The following USP34 variants were observed in gnomAD, a reference collection of about 807,000 sequenced individuals.
USP34 encodes ubiquitin carboxyl-terminal hydrolase 34.
Under a neutral mutation model 460.3 loss-of-function variants are expected in USP34, and 70 were observed. The ratio of observed to expected loss-of-function variants is 0.15; its 90% CI spans 0.13 to 0.19. The LOEUF (loss-of-function observed/expected upper bound fraction) is 0.19. Among genes scored for constraint, USP34 ranks in the 10% least tolerant of loss-of-function variants. USP34 has a pLI of 1.00. For synonymous variants in USP34, 1,647 were observed against 1,405.3 expected (o/e 1.17, Z -3.85); for missense variants, 3,985 against 4,236.2 (o/e 0.94, Z 1.65).
chr2:61,339,781 T>G (rs1382058210), intron 16 of USP34, 100 bp from the exon 17 acceptor site: 2 of 545,512 alleles, frequency 3.7e-6, no homozygotes, highest in Non-Finnish European at 5.8e-6. Context: ...TACACGATAT[T>G]TTTCTCAGAT....
In USP34 at chr2:61,188,957, T is replaced by C. The variant is rs1268149877; in HGVS notation, c.9986A>G (p.Gln3329Arg). ...TTCTTGCTCTTGGAGTGAGTTTCTC[T>C]GTTGCAGACAAGTCCTGCATTTGCT... ...LLSKCRTCLQ[Q>R]RNSLQEQEAK... The change falls in exon 79 of 80, where the codon CAG becomes CGG. Residue 3329 changes from glutamine to arginine, a missense_variant. Coordinates refer to ENST00000398571, the MANE Select transcript of USP34 (RefSeq NM_014709.4). The C allele has an allele frequency of 1.9e-6, 3 of 1,614,118 alleles. No individual in the cohort carries two copies. Among genetic ancestry groups the C allele is most frequent in the African/African-American group, 2.7e-5 (2 of 74,932 alleles).
In USP34 at chr2:61,370,362, G is replaced by C; in HGVS notation, c.1210C>G (p.Leu404Val). 1 of 1,614,074 alleles carries C rather than the reference G, an allele frequency of 6.2e-7. No homozygotes were observed. Among genetic ancestry groups the C allele is most frequent in the South Asian group, 1.1e-5 (1 of 91,072 alleles). Reference sequence around the variant, plus strand: ...ATACAGTCAATATGTTGAGTACTCAGTCGCCCTTCTGCTGCCAAAAAATTC... The same window carrying C: ...ATACAGTCAATATGTTGAGTACTCACTCGCCCTTCTGCTGCCAAAAAATTC... Reference protein sequence around the residue: ...ILNFLAAEGRLSTQHIDCIWA... With the variant: ...ILNFLAAEGRVSTQHIDCIWA... The change falls in exon 10 of 80, where the codon CTG (leucine) becomes GTG (valine). Residue 404 changes from leucine (L) to valine (V), a missense_variant. Leu to Val is a conservative substitution (Grantham distance 32). This residue lies in a region of USP34 where 716 missense variants were observed against 626.2 expected (regional missense o/e 1.14). Transcript: ENST00000398571.
At chr2:61,251,978 A>G (rs1688596803) in intron 48 of USP34, among the ~76,000 whole-genome samples, 2 of 151,828 alleles carry the variant, frequency 1.3e-5, no homozygotes, top group African/African-American at 2.4e-5. Flanking sequence ...AAAAAAAAAA[A>G]CAGCAAACAC....
intron 57 of USP34, 52 bp downstream of exon 57, chr2:61,235,793 G>GA (rs34945181): frequency 2.5e-3 from 3,260 of 1,292,478 alleles, no homozygotes; most frequent in Admixed American, 2.9e-3. Context: ...CAGAGGGGGG[G>GA]AAAAAAAAAA....
intron 58 of USP34, among the ~76,000 whole-genome samples, chr2:61,231,576 G>A (rs1687907113): frequency 6.6e-6 from 1 of 152,024 alleles, no homozygotes; most frequent in South Asian, 2.1e-4. Context: ...TTAGCCAGGT[G>A]TGGTGGTGTG....
At chr2:61,419,904 A>G (rs1694308358) in intron 2 of USP34, among the ~76,000 whole-genome samples, 2 of 152,248 alleles carry the variant, frequency 1.3e-5, no homozygotes, top group South Asian at 4.1e-4. Context: ...GTCAATAATG[A>G]TGGTACAGAA....
At chr2:61,442,898 T>TACACACAC (rs58151221) in intron 1 of USP34, among the ~76,000 whole-genome samples, 13,881 of 147,120 alleles carry the variant, frequency 0.094, 690 homozygotes, top group African/African-American at 0.11. Flanking sequence ...GTGATGTGTG[T>TACACACAC]ACACACACAC....
In USP34 at chr2:61,257,306, T is replaced by C. The variant is rs1181599428; in HGVS notation, c.5889A>G (p.Thr1963=). 6.2e-7 allele frequency: 1 copy of C among 1,613,116 alleles called. No homozygotes were observed. Among genetic ancestry groups the C allele is most frequent in the Middle Eastern group, 1.7e-4 (1 of 6,042 alleles). Residue 1963 remains threonine (T), a synonymous_variant, in exon 45 of 80, where the codon ACA becomes ACG. Transcript: ENST00000398571. The part of the protein sequence containing the change: ...KAYNPRPFCK[T]YTMDKQPLNT... ...TCAGAGGCTGCTTATCCATGGTGTA[T>C]GTTTTACAGAAAGGTCTAGGATTAT...
chr2:61,317,672 A>G lies in USP34; in HGVS notation c.3264T>C (p.Asp1088=), dbSNP rs996384339. ...TCCATACCTCAGAATTTGAACAACC[A>G]TCATAGGCACTGGTAGCCAATCGAG... ...NLARLATSAY[D]GCSNSELCGM... is the part of the protein sequence containing the mutation. Residue 1088 remains aspartate, a synonymous_variant, in exon 23 of 80, where the codon GAT becomes GAC. Transcript: ENST00000398571. 6.2e-7 allele frequency: 1 copy of G among 1,614,050 alleles called. No individual in the cohort carries two copies. The highest frequency in any genetic ancestry group is 8.5e-7 in the Non-Finnish European group (1 of 1,179,914).
intron 20 of USP34, 81 bp downstream of exon 20, chr2:61,331,195 A>G (rs1691250623): frequency 8.1e-7 from 1 of 1,240,456 alleles, no homozygotes; most frequent in Non-Finnish European, 1.1e-6. Context: ...TTATATGAAA[A>G]AAAGTTAAAA....
rs762257256 is a variant in USP34 at position 61,266,135 on chromosome 2, A to G, written c.5466T>C (p.Phe1822=). 6.2e-7 allele frequency: 1 copy of G among 1,612,584 alleles called. No individual in the cohort carries two copies. Among genetic ancestry groups the G allele is most frequent in the Non-Finnish European group, 8.5e-7 (1 of 1,178,790 alleles). Residue 1822 remains phenylalanine, a synonymous_variant, in exon 42 of 80, where the codon TTT becomes TTC. Transcript: ENST00000398571. ...GTCGGTCCTTTAGACTTGGCAACAA[A>G]AACAGGAGATTGAAGATATCTCTCA... ...EFLRDIFNLL[F]LLPSLKDRQQ...
At chr2:61,320,140 C>A (rs143198284) in intron 21 of USP34, among the ~76,000 whole-genome samples, 1 of 152,138 alleles carries the variant, frequency 6.6e-6, no homozygotes, top group Non-Finnish European at 1.5e-5. Flanking sequence ...TGCATTTCTA[C>A]GAATATGATA....
At position 61,246,485 on chromosome 2, in the gene USP34, G is replaced by A; in HGVS notation, c.6395-8C>T. 1 of 1,511,356 alleles carries A rather than the reference G, an allele frequency of 6.6e-7. No homozygotes were observed. The highest frequency in any genetic ancestry group is 1.4e-5 in the South Asian group (1 of 72,790). The allele number at this position is 1,511,356 out of a possible 1,614,324, so 93.6% of individuals were successfully genotyped here. ...CACTGACTTCTTTAAAACCTGAAAT[G>A]ATTTACACAGAATGGAAATAATTTT... On this transcript the variant is annotated splice_region_variant and splice_polypyrimidine_tract_variant and intron_variant, in intron 49 of 79. Coordinates refer to ENST00000398571, the MANE Select transcript of USP34 (RefSeq NM_014709.4).
intron 30 of USP34, among the ~76,000 whole-genome samples, chr2:61,296,343 G>A (rs1233999644): frequency 1.3e-5 from 2 of 152,076 alleles, no homozygotes; most frequent in South Asian, 2.1e-4. Context: ...ATGTGAGGTG[G>A]TGTCCATATG....
At position 61,348,387 on chromosome 2, in the gene USP34, T is replaced by A; in HGVS notation, c.1768A>T (p.Ser590Cys). 1 of 1,614,020 alleles carries A rather than the reference T, an allele frequency of 6.2e-7. No individual in the cohort carries two copies. Among genetic ancestry groups the A allele is most frequent in the Non-Finnish European group, 8.5e-7 (1 of 1,180,040 alleles). ...GSSSGHSDGS[S>C]NEVNSSHASQ... The stretch of plus-strand genomic sequence containing the variant: ...GCGTGGCTAGAATTAACCTCATTGC[T>A]AGATCCATCACTATGCCCACTACTG... Residue 590 changes from serine to cysteine, a missense_variant, in exon 15 of 80, where the codon AGC becomes TGC. Ser to Cys is a moderately radical substitution (Grantham distance 112, BLOSUM62 -1). Transcript: ENST00000398571.
At chr2:61,304,000 C>T (rs1465482802) in intron 27 of USP34, among the ~76,000 whole-genome samples, 3 of 152,190 alleles carry the variant, frequency 2.0e-5, no homozygotes, top group South Asian at 2.1e-4. Context: ...TGGGCTTAAG[C>T]GATTCTCATG....
chr2:61,195,366 T>TAA (rs34844512), intron 75 of USP34, among the ~76,000 whole-genome samples: 88,687 of 140,170 alleles, frequency 0.63, 28,041 homozygotes, highest in Middle Eastern at 0.73. Context: ...TTTTAAAGGT[T>TAA]AAAAAAAAAA....
At chr2:61,412,988 G>C (rs910606230) in intron 2 of USP34, among the ~76,000 whole-genome samples, 3 of 151,758 alleles carry the variant, frequency 2.0e-5, no homozygotes, top group Non-Finnish European at 4.4e-5. Context: ...TAAATATGGA[G>C]GTAAGGAAAT....
chr2:61,365,369 A>C (rs1692404840), intron 10 of USP34, among the ~76,000 whole-genome samples: 1 of 152,128 alleles, frequency 6.6e-6, no homozygotes, highest in Non-Finnish European at 1.5e-5. Flanking sequence ...TCAAAAACTC[A>C]GAACAAAACA....
Sources: allele counts gnomAD v4.1 joint callset (sites outside exome capture counted in the v4.1 genomes callset), GRCh38; gene constraint gnomAD v4.1.1; regional missense constraint gnomAD v4.1.1; transcripts MANE v1.5; gene names NCBI Gene and HGNC (gene_info 2026-07-23, HGNC 2026-07-21).